PGAP2: variants seen among roughly 807,000 people sequenced by gnomAD.
PGAP2 encodes post-GPI attachment to proteins 2.
Under a neutral mutation model 33.2 loss-of-function variants are expected in PGAP2, and 21 were observed. The ratio of observed to expected loss-of-function variants is 0.63; its 90% CI spans 0.45 to 0.91. The LOEUF is 0.91. PGAP2 is among the 40% of genes least tolerant of loss of function. The pLI, the probability that PGAP2 is intolerant of heterozygous loss-of-function variation, is 0.00. For missense variants in PGAP2, 345 were observed against 424.0 expected, an observed-to-expected ratio of 0.81 and a Z score of 1.64; for synonymous variants, 161 against 172.9, an observed-to-expected ratio of 0.93 and a Z score of 0.54.
At chr11:3,821,095 C>T (rs928178028) in intron 3 of PGAP2, among the ~76,000 whole-genome samples, 2 of 152,222 alleles carry the variant, frequency 1.3e-5, no homozygotes, top group Non-Finnish European at 2.9e-5. Context: ...GCTTTGAGAC[C>T]AGCATCTTCT....
intron 3 of PGAP2, chr11:3,822,903 C>G: frequency 6.7e-7 from 1 of 1,483,040 alleles, no homozygotes; most frequent in Non-Finnish European, 9.1e-7. Context: ...CTCCTTTTTC[C>G]TTAAGGACTG....
chr11:3,804,347 A>T (rs1230204132), upstream of PGAP2, among the ~76,000 whole-genome samples: 2 of 152,126 alleles, frequency 1.3e-5, no homozygotes, highest in Non-Finnish European at 1.5e-5. Flanking sequence ...CTAGAGCAAG[A>T]TGAGTGAGCT....
rs1338071099 is a variant in PGAP2 at position 3,821,412 on chromosome 11, A to C, written c.349-2471A>C. ...TCGTTGGAGGTCTGCAGAAGTGCAC[A>C]GAAAGTGTGGGCAATGGACTGGCCA... is the stretch of plus-strand genomic sequence containing the variant. On this transcript the variant is annotated intron_variant, in intron 3 of 6. Coordinates refer to ENST00000278243, the MANE Select transcript of PGAP2 (RefSeq NM_014489.4). 1.1e-4 allele frequency among the ~76,000 whole-genome samples: 16 copies of C among 152,260 alleles called. 1 individual carries two copies. The highest frequency in any genetic ancestry group is 1.0e-3 in the Admixed American group (16 of 15,290).
upstream of PGAP2, among the ~76,000 whole-genome samples, chr11:3,805,954 G>A (rs1454626110): frequency 1.4e-5 from 2 of 146,228 alleles, no homozygotes; most frequent in African/African-American, 2.5e-5. Flanking sequence ...CAAAGTGCTG[G>A]GATTACAGAT....
intron 1 of PGAP2, among the ~76,000 whole-genome samples, chr11:3,809,267 C>G (rs2898937): frequency 0.053 from 8,051 of 152,232 alleles, 713 homozygotes; most frequent in African/African-American, 0.18. Context: ...GTAGAACTAT[C>G]TGCAGGCTGA....
chr11:3,801,372 G>GT (rs2083418883), intron 1 of PGAP2, among the ~76,000 whole-genome samples: 2 of 152,126 alleles, frequency 1.3e-5, no homozygotes, highest in South Asian at 4.1e-4. Flanking sequence ...GCCGGGCATG[G>GT]TGGCTCAAGC....
chr11:3,808,006 C>T, upstream of PGAP2: 1 of 1,326,408 alleles, frequency 7.5e-7, no homozygotes, highest in Non-Finnish European at 9.7e-7. Context: ...TAGGACAGGG[C>T]GCCCTCTCCT....
intron 2 of PGAP2, among the ~76,000 whole-genome samples, chr11:3,812,806 TCTC>T (rs1402803600): frequency 4.1e-4 from 63 of 152,272 alleles, no homozygotes; most frequent in African/African-American, 1.4e-3. Flanking sequence ...TGGAGTTTCC[TCTC>T]CTCCTGATTT....
At position 3,825,501 on chromosome 11, in the gene PGAP2, A is replaced by G. The variant is rs774682702; in HGVS notation, c.*43A>G. ...GGGAGGACGCAGCCCACTGCCCAGA[A>G]ACAAGAAACACGATACCATTCTGGC... On this transcript the variant is annotated 3_prime_UTR_variant, in exon 7 of 7. Coordinates refer to ENST00000278243, the MANE Select transcript of PGAP2 (RefSeq NM_014489.4). 1.9e-6 allele frequency: 3 copies of G among 1,595,622 alleles called. No homozygotes were observed. The highest frequency in any genetic ancestry group is 4.4e-4 in the Middle Eastern group (2 of 4,594).
chr11:3,821,395 G>A (rs1311513888), intron 3 of PGAP2, among the ~76,000 whole-genome samples: 3 of 152,386 alleles, frequency 2.0e-5, no homozygotes, highest in East Asian at 3.9e-4. Context: ...CCTCGTTGGA[G>A]GTCTGCAGAA....
rs910268548 is a variant in PGAP2, at chr11:3,816,649, C to T, written c.166-704C>T. Among the ~76,000 whole-genome samples the T allele has an allele frequency of 4.6e-5, 7 of 152,250 alleles. No homozygotes were observed. In the South Asian group the frequency reaches 1.5e-3, roughly 32 times the overall value. ...GGGAGGAGATGTAGGTCTGGGCTTC[C>T]ACAGGGACCTGGTATTTTAGGATCA... On this transcript the variant is annotated intron_variant, in intron 2 of 6. Coordinates refer to ENST00000278243, the MANE Select transcript of PGAP2 (RefSeq NM_014489.4).
At chr11:3,824,972 C>T in intron 5 of PGAP2, 48 bp from the exon 6 acceptor site, 18 of 1,612,328 alleles carry the variant, frequency 1.1e-5, no homozygotes, top group East Asian at 2.2e-5. Context: ...GGAGCCCACG[C>T]TCTCATACCC....
intron 1 of PGAP2, 123 bp downstream of exon 1, chr11:3,808,774 G>A: frequency 3.4e-6 from 1 of 290,578 alleles, no homozygotes; most frequent in Non-Finnish European, 5.2e-6. Flanking sequence ...CCGTCCTATC[G>A]CACACACTCT....
rs1164728923 is a variant in PGAP2 at position 3,808,600 on chromosome 11, C to T, written c.-62C>T. On this transcript the variant is annotated 5_prime_UTR_variant, in exon 1 of 7. Transcript: ENST00000278243. ...AGCCCGCAGAGCCAGCCCCCGACCC[C>T]GGGCCACCTGGGCCCCCGGGTTCCG... The T allele has an allele frequency of 2.2e-6, 3 of 1,334,792 alleles. No homozygotes were observed. The highest frequency in any genetic ancestry group is 6.2e-5 in the East Asian group (2 of 32,042). 82.7% of individuals were successfully genotyped at this position (1,334,792 alleles called of 1,614,324 possible).
rs2089890303 is a variant in PGAP2, at chr11:3,825,576, TAAG to T, written c.*122_*124del. On this transcript the variant is annotated 3_prime_UTR_variant, in exon 7 of 7. Transcript: ENST00000278243. ...GGCCTTACTGAAGATGGGGGAAGGGTAAGAAGGAAGGGTGTAGGCCAAGGCTCA... is the reference window on the plus strand; with the variant it reads ...GGCCTTACTGAAGATGGGGGAAGGGTAAGGAAGGGTGTAGGCCAAGGCTCA... 3 of 1,146,750 alleles carry T rather than the reference TAAG, an allele frequency of 2.6e-6. No homozygotes were observed. Among genetic ancestry groups the T allele is most frequent in the Admixed American group, 5.0e-5 (2 of 40,280 alleles). 71.0% of individuals were successfully genotyped at this position (1,146,750 alleles called of 1,614,324 possible).
chr11:3,824,064 A>T lies in PGAP2; in HGVS notation c.530A>T (p.Asn177Ile), dbSNP rs377757894. Reference protein sequence around the residue: ...CSCYRPLCRLNFGLNVVENLA... With the variant: ...CSCYRPLCRLIFGLNVVENLA... Reference sequence around the variant, plus strand: ...TGCTATCGCCCGCTCTGCCGCCTCAACTTCGGCCTCAATGTCGTGGAGAAC... The same window carrying T: ...TGCTATCGCCCGCTCTGCCGCCTCATCTTCGGCCTCAATGTCGTGGAGAAC... The change falls in exon 4 of 7, where the codon AAC becomes ATC. Residue 177 changes from asparagine (N) to isoleucine (I), a missense_variant. Around this residue, in one of 2 missense-constraint regions of PGAP2, gnomAD observed 311 missense variants for 353.6 expected, o/e 0.88. Transcript: ENST00000278243. 3.1e-6 allele frequency: 5 copies of T among 1,613,866 alleles called. No homozygotes were observed. The highest frequency in any genetic ancestry group is 1.3e-5 in the African/African-American group (1 of 74,850).
At chr11:3,808,406 C>G, upstream of PGAP2, 1 of 1,545,882 alleles carries the variant, frequency 6.5e-7, no homozygotes, top group Non-Finnish European at 8.7e-7. Flanking sequence ...TTAGTGGGGG[C>G]AGACCCGGGC....
intron 5 of PGAP2, 161 bp from the exon 6 acceptor site, chr11:3,824,859 A>G (rs2089723431): frequency 1.4e-6 from 2 of 1,451,024 alleles, no homozygotes; most frequent in Admixed American, 5.6e-5. Context: ...GGACGTGAAC[A>G]CATAGTCGTC....
At chr11:3,804,007 A>T (rs2083915353), upstream of PGAP2, among the ~76,000 whole-genome samples, 2 of 146,824 alleles carry the variant, frequency 1.4e-5, no homozygotes, top group South Asian at 4.4e-4. Flanking sequence ...GCCAGACTCG[A>T]CTCAAACTCC....
Sources: gnomAD v4.1 joint callset for allele counts (sites outside exome capture counted in the v4.1 genomes callset) on GRCh38, gnomAD v4.1.1 for gene constraint, gnomAD v4.1.1 regional missense constraint, MANE v1.5 for transcripts, NCBI Gene and HGNC (gene_info 2026-07-23, HGNC 2026-07-21) for gene names.